The following GIT2 variants were observed in gnomAD, a reference collection of about 807,000 sequenced individuals.
The protein encoded by GIT2 is ARF GTPase-activating protein GIT2.
GIT2 carries 32 observed loss-of-function variants against 100.3 expected under a neutral mutation model. That is an observed-to-expected ratio of 0.32 (90% CI 0.24 to 0.43). The LOEUF is 0.43. Ranked by LOEUF, GIT2 falls within the 20% of genes least tolerant of loss-of-function variation. GIT2 has a pLI of 1.00. For synonymous variants in GIT2, 353 were observed against 364.1 expected, an observed-to-expected ratio of 0.97 and a Z score of 0.35; for missense variants, 737 against 975.1, an observed-to-expected ratio of 0.76 and a Z score of 3.25.
intron 9 of GIT2, among the ~76,000 whole-genome samples, chr12:109,963,202 A>T (rs1349669189): frequency 6.6e-6 from 1 of 152,230 alleles, no homozygotes; most frequent in East Asian, 1.9e-4. Flanking sequence ...GACTCCATTA[A>T]GAGTATAGCA....
intron 7 of GIT2, among the ~76,000 whole-genome samples, chr12:109,968,595 GT>G (rs940434583): frequency 6.6e-6 from 1 of 151,500 alleles, no homozygotes; most frequent in Non-Finnish European, 1.5e-5. Flanking sequence ...AACTAATTTT[GT>G]TTTTTCAGTA....
At chr12:109,970,261 A>T (rs1883522090) in intron 7 of GIT2, among the ~76,000 whole-genome samples, 1 of 152,088 alleles carries the variant, frequency 6.6e-6, no homozygotes. Context: ...TGGGAGGCCG[A>T]TGCGGGCAGT....
At chr12:109,972,681 T>A (rs1450060776) in intron 7 of GIT2, among the ~76,000 whole-genome samples, 1 of 152,014 alleles carries the variant, frequency 6.6e-6, no homozygotes, top group Non-Finnish European at 1.5e-5. Context: ...CAGGCTGGTC[T>A]CAAACTCCCG....
chr12:109,967,992 G>A (rs2055869184), intron 7 of GIT2, among the ~76,000 whole-genome samples: 1 of 152,202 alleles, frequency 6.6e-6, no homozygotes, highest in African/African-American at 2.4e-5. Context: ...CTAGCTCCTG[G>A]AGAACACTGA....
At chr12:109,995,969 G>T in intron 1 of GIT2, 2 of 474,570 alleles carry the variant, frequency 4.2e-6, no homozygotes, top group Non-Finnish European at 3.7e-6. Context: ...AGAGGGAAGG[G>T]AGGGCCGCGA....
intron 4 of GIT2, among the ~76,000 whole-genome samples, chr12:109,986,790 CAAAA>C (rs1322188469): frequency 1.4e-5 from 2 of 146,166 alleles, no homozygotes; most frequent in Admixed American, 6.8e-5. Context: ...AACAAACAAA[CAAAA>C]AAAAACCAAA....
chr12:109,967,109 T>C (rs187558250), intron 8 of GIT2, among the ~76,000 whole-genome samples: 297 of 152,324 alleles, frequency 1.9e-3, no homozygotes, highest in Middle Eastern at 6.8e-3. Flanking sequence ...TATTTATTAA[T>C]TGGCCCTTGA....
intron 4 of GIT2, among the ~76,000 whole-genome samples, chr12:109,986,658 A>C (rs1362788172): frequency 6.6e-6 from 1 of 152,112 alleles, no homozygotes; most frequent in African/African-American, 2.4e-5. Flanking sequence ...CCAGCTACTC[A>C]GGAGGCTGAG....
At position 109,947,206 on chromosome 12, in the gene GIT2, T is replaced by C. The variant is rs1876581741; in HGVS notation, c.1641+50A>G. The C allele has an allele frequency of 6.4e-7, 1 of 1,567,440 alleles. No individual in the cohort carries two copies. The highest frequency in any genetic ancestry group is 1.2e-5 in the South Asian group (1 of 85,216). ...TGTAGGTTCAGAAGAGGGAACAGAG[T>C]AGACAGGCTGCATAGAGTGAACAGC... On this transcript the variant is annotated intron_variant, in intron 15 of 19. Transcript: ENST00000355312. The surrounding 1 kb of genome is among the most constrained non-coding windows in gnomAD (Gnocchi z 4.3).
At chr12:109,957,497 A>G (rs1466689292) in intron 12 of GIT2, among the ~76,000 whole-genome samples, 3 of 151,972 alleles carry the variant, frequency 2.0e-5, no homozygotes, top group Non-Finnish European at 2.9e-5. Flanking sequence ...TTTTAAAAAA[A>G]GATAAGTATG....
chr12:109,994,099 A>G (rs1888909057), intron 1 of GIT2, among the ~76,000 whole-genome samples: 1 of 147,390 alleles, frequency 6.8e-6, no homozygotes, highest in Admixed American at 6.7e-5. Flanking sequence ...AAAAAAAAAG[A>G]CTGTTTTGAA....
At chr12:109,988,725 C>T (rs1004406274) in intron 4 of GIT2, among the ~76,000 whole-genome samples, 3 of 151,670 alleles carry the variant, frequency 2.0e-5, no homozygotes, top group Non-Finnish European at 2.9e-5. Flanking sequence ...TGGTGGCATG[C>T]GCCTGTAATC....
At chr12:109,977,320 G>A (rs1056926868) in intron 7 of GIT2, among the ~76,000 whole-genome samples, 7 of 152,100 alleles carry the variant, frequency 4.6e-5, no homozygotes, top group African/African-American at 9.7e-5. Flanking sequence ...AGACCAGCCT[G>A]GGCAACATGG....
intron 9 of GIT2, among the ~76,000 whole-genome samples, chr12:109,964,518 A>T (rs921244077): frequency 2.0e-4 from 31 of 152,026 alleles, no homozygotes; most frequent in Admixed American, 1.8e-3. Flanking sequence ...TCCTTGAATC[A>T]GAGAGATGGA....
intron 4 of GIT2, among the ~76,000 whole-genome samples, chr12:109,987,409 A>C (rs1023904471): frequency 5.9e-5 from 9 of 151,804 alleles, no homozygotes; most frequent in Non-Finnish European, 1.2e-4. Flanking sequence ...TAAATAAATA[A>C]ATAAATAAAT....
intron 4 of GIT2, among the ~76,000 whole-genome samples, chr12:109,985,999 C>G (rs924626002): frequency 6.6e-6 from 1 of 151,700 alleles, no homozygotes; most frequent in Non-Finnish European, 1.5e-5. Context: ...TGCCACGACA[C>G]TCCAGCCTGG....
chr12:109,981,421 A>G, intron 6 of GIT2: 1 of 204,192 alleles, frequency 4.9e-6, no homozygotes, highest in East Asian at 1.4e-4. Flanking sequence ...TACCATGTGC[A>G]GGCCCCACCC....
chr12:109,986,398 G>A (rs912395792), intron 4 of GIT2, among the ~76,000 whole-genome samples: 6 of 152,202 alleles, frequency 3.9e-5, no homozygotes, highest in Non-Finnish European at 8.8e-5. Flanking sequence ...TTGGGAAGCT[G>A]AAACAGGCGG....
intron 7 of GIT2, among the ~76,000 whole-genome samples, chr12:109,968,242 TCA>T (rs948303277): frequency 8.5e-5 from 13 of 152,286 alleles, no homozygotes; most frequent in African/African-American, 2.6e-4. Context: ...ACCTGTACTT[TCA>T]GTTTTTGTTT....
Sources: allele counts gnomAD v4.1 joint callset (sites outside exome capture counted in the v4.1 genomes callset), GRCh38; gene constraint gnomAD v4.1.1; non-coding constraint Gnocchi (gnomAD v3.1); transcripts MANE v1.5; gene names NCBI Gene and HGNC (gene_info 2026-07-23, HGNC 2026-07-21).